Variants in SDCCAG8 observed in about 807,000 individuals in gnomAD.
SDCCAG8 encodes the protein serologically defined colon cancer antigen 8.
A neutral mutation model predicts 101.8 loss-of-function variants in SDCCAG8; 74 were observed. That is an observed-to-expected ratio of 0.73 (90% confidence interval 0.60 to 0.88). The LOEUF (loss-of-function observed/expected upper bound fraction) is 0.88. Ranked by LOEUF, SDCCAG8 falls within the 40% of genes least tolerant of loss-of-function variation. The pLI, the probability that SDCCAG8 is intolerant of heterozygous loss-of-function variation, is 0.00. For synonymous variants in SDCCAG8, 281 were observed against 292.9 expected, an observed-to-expected ratio of 0.96 and a Z score of 0.41; for missense variants, 787 against 822.6, an observed-to-expected ratio of 0.96 and a Z score of 0.53.
chr1:243,334,461 TTCCCCAAGCATGTACATATGCC>T (rs2074857943), intron 10 of SDCCAG8, among the ~76,000 whole-genome samples: 1 of 152,246 alleles, frequency 6.6e-6, no homozygotes, highest in South Asian at 2.1e-4. Flanking sequence ...CTACTTGTGC[TTCCCCAAGCATGTACATATGCC>T]TCTCTTCCAT....
intron 12 of SDCCAG8, among the ~76,000 whole-genome samples, chr1:243,359,101 A>G (rs1019134281): frequency 7.2e-5 from 11 of 152,154 alleles, no homozygotes; most frequent in African/African-American, 2.7e-4. Context: ...TATTCCCTAG[A>G]GTAACTAAGG....
At chr1:243,362,036 TA>T (rs1355725814) in intron 12 of SDCCAG8, among the ~76,000 whole-genome samples, 19 of 147,272 alleles carry the variant, frequency 1.3e-4, no homozygotes, top group African/African-American at 3.7e-4. Context: ...AGTAACACAG[TA>T]ACTGGATGGA....
At chr1:243,480,708 G>A (rs1663489139) in intron 16 of SDCCAG8, among the ~76,000 whole-genome samples, 1 of 138,772 alleles carries the variant, frequency 7.2e-6, no homozygotes, top group African/African-American at 2.7e-5. Context: ...GGGATGGATG[G>A]ATGGATGGAT....
intron 15 of SDCCAG8, among the ~76,000 whole-genome samples, chr1:243,421,144 T>C (rs2080968608): frequency 6.6e-6 from 1 of 152,246 alleles, no homozygotes; most frequent in South Asian, 2.1e-4. Context: ...AAAATTCTTC[T>C]TGAAAAGTAA....
chr1:243,267,982 T>G, intron 1 of SDCCAG8: 1 of 781,176 alleles, frequency 1.3e-6, no homozygotes, highest in Non-Finnish European at 2.4e-6. Context: ...GCGGAACTTC[T>G]CTTTCCTTTA....
chr1:243,304,631 T>G, intron 6 of SDCCAG8, 82 bp from the exon 7 acceptor site: 1 of 741,248 alleles, frequency 1.3e-6, no homozygotes, highest in Non-Finnish European at 2.3e-6. Context: ...AGAAAAAAAT[T>G]GAGTTTAATA....
At chr1:243,396,583 T>C (rs2079049673) in intron 13 of SDCCAG8, among the ~76,000 whole-genome samples, 1 of 152,226 alleles carries the variant, frequency 6.6e-6, no homozygotes, top group African/African-American at 2.4e-5. Flanking sequence ...AGTGAAAATA[T>C]TTATTCCTCA....
chr1:243,339,190 G>A (rs149896799), intron 10 of SDCCAG8, among the ~76,000 whole-genome samples: 1 of 152,070 alleles, frequency 6.6e-6, no homozygotes, highest in Non-Finnish European at 1.5e-5. Context: ...GAAGGGGAGA[G>A]ATTTGTGACA....
At chr1:243,380,664 G>T (rs1485341403) in intron 13 of SDCCAG8, among the ~76,000 whole-genome samples, 1 of 151,664 alleles carries the variant, frequency 6.6e-6, no homozygotes, top group Non-Finnish European at 1.5e-5. Context: ...AAACGGTTTT[G>T]CTTGGTTCCA....
intron 6 of SDCCAG8, among the ~76,000 whole-genome samples, chr1:243,295,226 T>C (rs2070749301): frequency 6.6e-6 from 1 of 152,074 alleles, no homozygotes; most frequent in Non-Finnish European, 1.5e-5. Flanking sequence ...TCTTCTCCTG[T>C]CTTTTGTTTT....
At chr1:243,287,338 A>G (rs561826407) in intron 5 of SDCCAG8, among the ~76,000 whole-genome samples, 94 of 151,846 alleles carry the variant, frequency 6.2e-4, no homozygotes, top group African/African-American at 1.7e-3. Context: ...CTTTGTCGTC[A>G]TTAGTAAATC....
Position 243,499,888 on chromosome 1 carries a change from C to T in SDCCAG8, c.*103C>T, listed in dbSNP as rs762181040. ...ACGCACCACGACCTTCCCAGGGTGA[C>T]ACCGCCTCAGCCTGCAGTGGGGCTG... is the stretch of plus-strand genomic sequence containing the variant. On this transcript the variant is annotated 3_prime_UTR_variant, in exon 18 of 18. Coordinates refer to ENST00000366541, the MANE Select transcript of SDCCAG8 (RefSeq NM_006642.5). The T allele has an allele frequency of 7.1e-6, 8 of 1,122,084 alleles. No homozygotes were observed. The highest frequency in any genetic ancestry group is 9.3e-6 in the Non-Finnish European group (7 of 752,184). 69.5% of individuals were successfully genotyped at this position (1,122,084 alleles called of 1,614,324 possible).
chr1:243,385,448 A>T (rs769343875), intron 13 of SDCCAG8, among the ~76,000 whole-genome samples: 10 of 152,188 alleles, frequency 6.6e-5, no homozygotes, highest in Non-Finnish European at 1.3e-4. Context: ...AAGATAAATG[A>T]TAAGATCCAG....
chr1:243,276,208 G>A (rs1198140456), intron 4 of SDCCAG8, among the ~76,000 whole-genome samples: 1 of 152,138 alleles, frequency 6.6e-6, no homozygotes, highest in Non-Finnish European at 1.5e-5. Flanking sequence ...GCAGAAGGGA[G>A]ATGAGTTTCA....
intron 16 of SDCCAG8, among the ~76,000 whole-genome samples, chr1:243,483,571 T>C (rs1664208776): frequency 6.8e-6 from 1 of 147,598 alleles, no homozygotes; most frequent in South Asian, 2.2e-4. Flanking sequence ...CCGCACCCCG[T>C]CTCGCGACCT....
intron 9 of SDCCAG8, among the ~76,000 whole-genome samples, chr1:243,320,388 G>A (rs977201196): frequency 2.6e-5 from 4 of 152,020 alleles, no homozygotes; most frequent in Non-Finnish European, 4.4e-5. Flanking sequence ...AAAATTCTTC[G>A]GTGAATTTTC....
At chr1:243,305,815 G>A (rs2149316405) in intron 7 of SDCCAG8, 1 of 152,320 alleles carries the variant, frequency 6.6e-6, no homozygotes, top group East Asian at 1.9e-4. Flanking sequence ...TCAGCTGATT[G>A]TGGTGGCTTA....
rs1177658931 is a variant in SDCCAG8, at chr1:243,382,151, C to T, written c.1616+3288C>T. ...GACTGGAAAGGGGAGCAGGGACCAG[C>T]AGAAGAGCCTTATGGGCCATCTCCG... is the stretch of plus-strand genomic sequence containing the variant. On this transcript the variant is annotated intron_variant, in intron 13 of 17. Transcript: ENST00000366541. Among the ~76,000 whole-genome samples, 5 of 152,178 alleles carry T rather than the reference C, an allele frequency of 3.3e-5. No individual in the cohort carries two copies. The East Asian group carries it at 7.7e-4, about 23-fold the overall frequency.
intron 13 of SDCCAG8, among the ~76,000 whole-genome samples, chr1:243,387,330 T>C (rs909971085): frequency 2.0e-5 from 3 of 152,194 alleles, no homozygotes; most frequent in African/African-American, 7.2e-5. Flanking sequence ...GAAGCTTTCT[T>C]TTGTTTATTA....
Sources: allele counts gnomAD v4.1 joint callset (sites outside exome capture counted in the v4.1 genomes callset), GRCh38; gene constraint gnomAD v4.1.1; transcripts MANE v1.5; gene names NCBI Gene and HGNC (gene_info 2026-07-23, HGNC 2026-07-21).